The following KLHL32 variants were observed in gnomAD, a reference collection of about 807,000 sequenced individuals.
KLHL32 encodes kelch-like protein 32.
A neutral mutation model predicts 64.8 loss-of-function variants in KLHL32; 35 were observed. The ratio of observed to expected loss-of-function variants is 0.54; its 90% CI spans 0.41 to 0.72. The LOEUF (loss-of-function observed/expected upper bound fraction) is 0.72. Ranked by LOEUF, KLHL32 falls within the 30% of genes least tolerant of loss-of-function variation. The pLI, the probability that KLHL32 is intolerant of heterozygous loss-of-function variation, is 0.00. For missense variants in KLHL32, 589 were observed against 768.5 expected, an observed-to-expected ratio of 0.77 and a Z score of 2.76; for synonymous variants, 259 against 281.0, an observed-to-expected ratio of 0.92 and a Z score of 0.78.
intron 4 of KLHL32, among the ~76,000 whole-genome samples, chr6:97,049,606 T>C (rs1195605947): frequency 6.6e-6 from 1 of 152,094 alleles, no homozygotes; most frequent in Non-Finnish European, 1.5e-5. Flanking sequence ...AACTACTTTA[T>C]TTTGAATTTT....
chr6:97,048,947 CT>C (rs1411121531), intron 4 of KLHL32, among the ~76,000 whole-genome samples: 1 of 152,184 alleles, frequency 6.6e-6, no homozygotes, highest in African/African-American at 2.4e-5. Context: ...CTTCCCAATC[CT>C]TTCTTTAGCT....
chr6:96,991,135 C>G (rs1381287114), intron 3 of KLHL32, among the ~76,000 whole-genome samples: 1 of 151,092 alleles, frequency 6.6e-6, no homozygotes, highest in African/African-American at 2.4e-5. Flanking sequence ...CAGGTGAAGC[C>G]CTCAGGTTCT....
chr6:96,985,741 C>T (rs117782187), intron 3 of KLHL32, among the ~76,000 whole-genome samples: 4,197 of 115,570 alleles, frequency 0.036, 80 homozygotes, highest in Non-Finnish European at 0.049. Flanking sequence ...TTAAGGACTT[C>T]TCTAGAATTG....
intron 2 of KLHL32, among the ~76,000 whole-genome samples, chr6:96,972,833 T>C (rs1396399014): frequency 6.6e-6 from 1 of 152,178 alleles, no homozygotes; most frequent in Non-Finnish European, 1.5e-5. Flanking sequence ...ACATAGTGCA[T>C]TACAGTCTTC....
chr6:96,996,281 A>G (rs1432014702), intron 3 of KLHL32, among the ~76,000 whole-genome samples: 1 of 152,222 alleles, frequency 6.6e-6, no homozygotes, highest in East Asian at 1.9e-4. Context: ...GACATTTTGG[A>G]AAATTAAATA....
intron 10 of KLHL32, among the ~76,000 whole-genome samples, chr6:97,136,444 G>C (rs1373969761): frequency 1.3e-5 from 2 of 152,206 alleles, no homozygotes; most frequent in African/African-American, 4.8e-5. Flanking sequence ...GGACTTGTTA[G>C]TAATAAACAA....
At chr6:96,969,007 C>T (rs1774815645) in intron 2 of KLHL32, among the ~76,000 whole-genome samples, 1 of 152,166 alleles carries the variant, frequency 6.6e-6, no homozygotes, top group Admixed American at 6.5e-5. Flanking sequence ...TGCCCTTTAT[C>T]TCTCTCCTCT....
At position 97,067,359 on chromosome 6, in the gene KLHL32, C is replaced by T. The variant is rs530297700; in HGVS notation, c.411+2633C>T. Among the ~76,000 whole-genome samples, 18 of 152,306 alleles carry T rather than the reference C, an allele frequency of 1.2e-4. No homozygotes were observed. In the South Asian group the frequency reaches 3.7e-3, roughly 32 times the overall value. On this transcript the variant is annotated intron_variant, in intron 5 of 10. Transcript: ENST00000369261. ...TCAATGAGGACAGCTATTTAATTAG[C>T]CCCCTAATTAGCCTTCTCACAGGTT... is the stretch of plus-strand genomic sequence containing the variant.
At chr6:96,951,228 G>T (rs932926824) in intron 1 of KLHL32, among the ~76,000 whole-genome samples, 3 of 152,136 alleles carry the variant, frequency 2.0e-5, no homozygotes. Context: ...GCCAGGACCA[G>T]CTTGGGTTCA....
upstream of KLHL32, among the ~76,000 whole-genome samples, chr6:96,922,098 A>G (rs542785527): frequency 6.6e-6 from 1 of 152,170 alleles, no homozygotes; most frequent in African/African-American, 2.4e-5. Flanking sequence ...CTGGCACCCA[A>G]TTTCCTATAG....
intron 6 of KLHL32, among the ~76,000 whole-genome samples, chr6:97,088,648 G>A (rs574965642): frequency 6.6e-6 from 1 of 152,080 alleles, no homozygotes; most frequent in African/African-American, 2.4e-5. Flanking sequence ...TAATTAATTT[G>A]ATTGTGGTAA....
intron 7 of KLHL32, among the ~76,000 whole-genome samples, chr6:97,114,961 A>T (rs757680922): frequency 2.8e-4 from 42 of 152,350 alleles, no homozygotes; most frequent in Non-Finnish European, 4.4e-4. Context: ...GTATATATCC[A>T]AGTAATCACT....
intron 1 of KLHL32, among the ~76,000 whole-genome samples, chr6:96,944,141 T>C (rs1162489188): frequency 6.6e-6 from 1 of 152,192 alleles, no homozygotes; most frequent in African/African-American, 2.4e-5. Flanking sequence ...TGGAATTAGA[T>C]GCCTGTGATT....
intron 4 of KLHL32, among the ~76,000 whole-genome samples, chr6:97,055,389 C>A (rs962265415): frequency 1.3e-5 from 2 of 152,180 alleles, no homozygotes; most frequent in East Asian, 1.9e-4. Flanking sequence ...TAATCTCCCC[C>A]ACGTAGGGTC....
At position 97,130,795 on chromosome 6, in the gene KLHL32, G is replaced by A. The variant is rs774746265; in HGVS notation, c.1452G>A (p.Arg484=). Residue 484 remains arginine (R), a synonymous_variant, in exon 9 of 11, where the codon AGG becomes AGA. Coordinates refer to ENST00000369261, the MANE Select transcript of KLHL32 (RefSeq NM_052904.4). ...GCCGTAGCCCCATGCTGCAGAGAAG[G>A]GTCTACCATTCCATGGCTGCTGTAC... ...WISRSPMLQR[R]VYHSMAAVQR... is the part of the protein sequence containing the mutation. The A allele has an allele frequency of 1.9e-6, 3 of 1,613,770 alleles. No homozygotes were observed. Among genetic ancestry groups the A allele is most frequent in the Non-Finnish European group, 2.5e-6 (3 of 1,179,888 alleles).
chr6:97,093,893 G>A (rs2128188471), intron 6 of KLHL32, among the ~76,000 whole-genome samples: 1 of 152,278 alleles, frequency 6.6e-6, no homozygotes. Flanking sequence ...AACCTGGAGT[G>A]CCATTATTTC....
chr6:97,113,737 T>C, intron 6 of KLHL32, 46 bp from the exon 7 acceptor site: 2 of 1,585,324 alleles, frequency 1.3e-6, no homozygotes, highest in Non-Finnish European at 1.7e-6. Context: ...TTTCTCTTTC[T>C]TTCTTACCTT....
intron 7 of KLHL32, among the ~76,000 whole-genome samples, chr6:97,124,217 A>G (rs1043446207): frequency 6.6e-6 from 1 of 152,232 alleles, no homozygotes; most frequent in Non-Finnish European, 1.5e-5. Context: ...TGACTTGGCA[A>G]AAGTTGCAGC....
At chr6:97,078,039 T>A (rs1233889848) in intron 5 of KLHL32, among the ~76,000 whole-genome samples, 2 of 152,228 alleles carry the variant, frequency 1.3e-5, no homozygotes, top group Non-Finnish European at 2.9e-5. Context: ...AGCCTTATAC[T>A]TACCGTATCC....
Sources: gnomAD v4.1 joint callset for allele counts (sites outside exome capture counted in the v4.1 genomes callset) on GRCh38, gnomAD v4.1.1 for gene constraint, MANE v1.5 for transcripts, NCBI Gene and HGNC (gene_info 2026-07-23, HGNC 2026-07-21) for gene names.